SPDYE1: variants seen among roughly 807,000 people sequenced by gnomAD.
SPDYE1 encodes speedy/RINGO cell cycle regulator family member E1, also known as speedy protein E1.
A neutral mutation model predicts 45.9 loss-of-function variants in SPDYE1; 29 were observed. That is an observed-to-expected ratio of 0.63 (90% CI 0.47 to 0.86). The LOEUF is 0.86. Ranked by LOEUF, SPDYE1 falls within the 40% of genes least tolerant of loss-of-function variation. The probability of loss-of-function intolerance (pLI) is 0.00; values close to 1 mark genes in which losing one functional copy is unlikely to be tolerated. For synonymous variants in SPDYE1, 134 were observed against 176.8 expected, an observed-to-expected ratio of 0.76 and a Z score of 1.92; for missense variants, 346 against 481.4, an observed-to-expected ratio of 0.72 and a Z score of 2.63.
intron 5 of SPDYE1, 129 bp downstream of exon 5, chr7:44,004,040 T>TTTTC (rs1554301162): frequency 1.6e-6 from 2 of 1,221,666 alleles, no homozygotes; most frequent in Non-Finnish European, 2.3e-6. Flanking sequence ...TTTTTTTTTT[T>TTTTC]TTTTTGTGTG....
At chr7:44,000,417 C>G (rs1236501333) in intron 2 of SPDYE1, among the ~76,000 whole-genome samples, 1 of 144,468 alleles carries the variant, frequency 6.9e-6, no homozygotes, top group Non-Finnish European at 1.5e-5. Context: ...CTACTGCACT[C>G]CAAAAAAAAA....
Position 44,002,580 on chromosome 7 carries a change from C to G in SPDYE1, c.380-10C>G, listed in dbSNP as rs758310952. 43 of 1,574,274 alleles carry G rather than the reference C, an allele frequency of 2.7e-5. No homozygotes were observed. Among genetic ancestry groups the G allele is most frequent in the Non-Finnish European group, 3.4e-5 (40 of 1,169,194 alleles). On this transcript the variant is annotated splice_polypyrimidine_tract_variant and intron_variant, in intron 3 of 8. Transcript: ENST00000693451. ...GAAGCATTACACCGTGGCCTGGTTT[C>G]TTTACTCAGCCCCTGGGGTAGATCC...
intron 5 of SPDYE1, 105 bp from the exon 6 acceptor site, chr7:44,005,037 C>A: frequency 3.0e-6 from 4 of 1,341,388 alleles, no homozygotes; most frequent in Non-Finnish European, 4.3e-6. Flanking sequence ...ACTGAGGTCC[C>A]TTCTCTGATG....
intron 5 of SPDYE1, 49 bp from the exon 6 acceptor site, chr7:44,005,093 T>G: frequency 6.3e-7 from 1 of 1,596,602 alleles, no homozygotes; most frequent in Non-Finnish European, 8.6e-7. Context: ...ACAATCTTCC[T>G]CTTCCAAGAT....
intron 1 of SPDYE1, among the ~76,000 whole-genome samples, chr7:43,998,197 A>G (rs1487297276): frequency 2.6e-5 from 4 of 152,014 alleles, no homozygotes; most frequent in African/African-American, 9.7e-5. Context: ...GCTTCCTAAC[A>G]ATGGGACTTC....
Position 44,005,150 on chromosome 7 carries a change from T to A in SPDYE1, c.675T>A (p.Leu225=). 6.2e-7 allele frequency: 1 copy of A among 1,612,000 alleles called. No individual in the cohort carries two copies. Among genetic ancestry groups the A allele is most frequent in the Non-Finnish European group, 8.5e-7 (1 of 1,179,850 alleles). Residue 225 remains leucine, a synonymous_variant, in exon 6 of 9, where the codon CTT becomes CTA. Transcript: ENST00000693451. The part of the protein sequence containing the change: ...KDLRVSDKYL[L]AMVIAYFSRA... ...TCCTTTCTCTCCATCAGTATCTCCT[T>A]GCTATGGTCATAGCGTATTTCAGCC... is the stretch of plus-strand genomic sequence containing the variant.
chr7:44,004,342 A>G, intron 5 of SPDYE1: 1 of 282,644 alleles, frequency 3.5e-6, no homozygotes, highest in Admixed American at 5.1e-5. Flanking sequence ...ACCAGCTCCC[A>G]TGGTCTTGAG....
intron 6 of SPDYE1, chr7:44,005,461 T>A: frequency 1.7e-6 from 1 of 590,488 alleles, no homozygotes; most frequent in South Asian, 1.9e-5. Context: ...GCGGATCACC[T>A]GAGGTCAGCA....
chr7:44,005,632 C>T (rs2096070193), intron 6 of SPDYE1, among the ~76,000 whole-genome samples: 2 of 148,576 alleles, frequency 1.3e-5, no homozygotes, highest in East Asian at 2.0e-4. Context: ...AAGCTAAGGT[C>T]GAGCCACTGC....
intron 8 of SPDYE1, 36 bp downstream of exon 8, chr7:44,007,849 T>C (rs1392074367): frequency 1.3e-5 from 21 of 1,592,248 alleles, no homozygotes; most frequent in Non-Finnish European, 1.7e-5. Context: ...GGCAGAATAT[T>C]GGGGTCTATT....
rs148713950 is a variant in SPDYE1, at chr7:44,002,696, C to A, written c.486C>A (p.Leu162=). 3 of 1,596,918 alleles carry A rather than the reference C, an allele frequency of 1.9e-6. No homozygotes were observed. Among genetic ancestry groups the A allele is most frequent in the Non-Finnish European group, 2.5e-6 (3 of 1,179,798 alleles). ...EESEEEPRKV[L]APEPEEIWVA... ...CGGAGGAGGAGCCACGGAAGGTGCT[C>A]GCCCCTGAGCCTGAGGAGATCTGGG... Residue 162 remains leucine (L), a synonymous_variant, in exon 4 of 9, where the codon CTC becomes CTA. Transcript: ENST00000693451.
chr7:44,000,477 G>A (rs2096061397), intron 2 of SPDYE1, among the ~76,000 whole-genome samples: 1 of 150,168 alleles, frequency 6.7e-6, no homozygotes. Flanking sequence ...AGGAGAACCT[G>A]AGGAGGGTGT....
chr7:44,003,571 T>C (rs1272225956), intron 4 of SPDYE1, among the ~76,000 whole-genome samples: 33 of 148,860 alleles, frequency 2.2e-4, no homozygotes, highest in Middle Eastern at 3.4e-3. Flanking sequence ...GACTCTGCAG[T>C]GGTCCCTCCG....
chr7:44,003,495 T>C (rs2096066864), intron 4 of SPDYE1, among the ~76,000 whole-genome samples: 1 of 152,290 alleles, frequency 6.6e-6, no homozygotes, highest in Non-Finnish European at 1.5e-5. Flanking sequence ...TAGTGGGGGA[T>C]ACCAAGGCCA....
intron 6 of SPDYE1, 51 bp from the exon 7 acceptor site, chr7:44,007,217 G>T (rs370370548): frequency 6.2e-7 from 1 of 1,612,100 alleles, no homozygotes; most frequent in Non-Finnish European, 8.5e-7. Flanking sequence ...ACCTCAGCCG[G>T]AGGTCTCTCC....
intron 6 of SPDYE1, among the ~76,000 whole-genome samples, chr7:44,005,718 C>T (rs978889046): frequency 4.6e-5 from 7 of 151,312 alleles, no homozygotes; most frequent in African/African-American, 1.7e-4. Context: ...ACTCCAATGC[C>T]AGTGTACAAA....
intron 1 of SPDYE1, among the ~76,000 whole-genome samples, chr7:43,998,339 A>C (rs1287256210): frequency 6.6e-6 from 1 of 151,320 alleles, no homozygotes; most frequent in African/African-American, 2.4e-5. Context: ...TTTGAGATGG[A>C]GTTTTGCTCT....
chr7:43,999,017 T>C (rs1168623373), intron 1 of SPDYE1, among the ~76,000 whole-genome samples: 3 of 149,794 alleles, frequency 2.0e-5, no homozygotes, highest in Admixed American at 1.4e-4. Context: ...CATGTGATAT[T>C]TTATTCATAG....
chr7:44,000,277 A>G (rs1162847553), intron 2 of SPDYE1, among the ~76,000 whole-genome samples, 168 bp downstream of exon 2: 1 of 148,162 alleles, frequency 6.7e-6, no homozygotes, highest in East Asian at 2.1e-4. Context: ...GTGAAACCCC[A>G]TCTCTACTAA....
Sources: gnomAD v4.1 joint callset for allele counts (sites outside exome capture counted in the v4.1 genomes callset) on GRCh38, gnomAD v4.1.1 for gene constraint, MANE v1.5 for transcripts, NCBI Gene and HGNC (gene_info 2026-07-23, HGNC 2026-07-21) for gene names.